Variants in RASSF3 observed in about 807,000 individuals in gnomAD.
RASSF3 encodes the protein ras association domain-containing protein 3.
RASSF3 carries 19 observed loss-of-function variants against 19.9 expected under a neutral mutation model. The ratio of observed to expected loss-of-function variants is 0.96; its 90% CI spans 0.67 to 1.40. RASSF3 has a LOEUF of 1.40. RASSF3 is among the 40% of genes most tolerant of loss of function. RASSF3 has a pLI of 0.00. For synonymous variants in RASSF3, 110 were observed against 104.2 expected (o/e 1.06, Z -0.34); for missense variants, 306 against 289.8 (o/e 1.06, Z -0.41).
At position 64,688,411 on chromosome 12, in the gene RASSF3, G is replaced by A; in HGVS notation, c.415G>A (p.Ala139Thr). The change falls in exon 3 of 5, where the codon GCC becomes ACC. Residue 139 changes from alanine to threonine, a missense_variant. By Grantham distance (58) the Ala-to-Thr change is moderately conservative (BLOSUM62 0). Transcript: ENST00000542104. ...LKKFLVTESP[A>T]KFALYKRCHR... ...AAAGTTTCTCGTGACTGAGAGCCCT[G>A]CCAAGTTTGCACTTTATAAGCGTTG... 1 of 1,614,170 alleles carries A rather than the reference G, an allele frequency of 6.2e-7. No individual in the cohort carries two copies. The highest frequency in any genetic ancestry group is 8.5e-7 in the Non-Finnish European group (1 of 1,180,000).
chr12:64,679,290 A>AC (rs1418554127), intron 1 of RASSF3, among the ~76,000 whole-genome samples: 1 of 152,080 alleles, frequency 6.6e-6, no homozygotes, highest in Non-Finnish European at 1.5e-5. Flanking sequence ...CGAACTCCTG[A>AC]CCTCGTGATC....
intron 1 of RASSF3, among the ~76,000 whole-genome samples, chr12:64,510,672 T>C (rs1327129120): frequency 6.6e-6 from 1 of 152,214 alleles, no homozygotes; most frequent in Admixed American, 6.5e-5. Context: ...CATCAAGGCA[T>C]GATTTAGGAA....
intron 1 of RASSF3, chr12:64,622,450 A>G (rs1005640719): frequency 3.8e-6 from 2 of 524,926 alleles, no homozygotes; most frequent in Admixed American, 2.0e-5. Flanking sequence ...GATAATTTAT[A>G]CTGTTTACTT....
At chr12:64,685,491 C>T (rs1873314014) in intron 2 of RASSF3, among the ~76,000 whole-genome samples, 1 of 152,134 alleles carries the variant, frequency 6.6e-6, no homozygotes, top group African/African-American at 2.4e-5. Context: ...GGGATCTGCC[C>T]AGCTTGGCCT....
At chr12:64,576,872 TTGA>T (rs1869604725) in intron 2 of RASSF3, among the ~76,000 whole-genome samples, 1 of 135,236 alleles carries the variant, frequency 7.4e-6, no homozygotes, top group African/African-American at 2.8e-5. Flanking sequence ...AAAAAAAAAC[TTGA>T]TGATGAAGTA....
At chr12:64,524,927 T>G (rs1868553852) in intron 1 of RASSF3, among the ~76,000 whole-genome samples, 1 of 152,106 alleles carries the variant, frequency 6.6e-6, no homozygotes, top group African/African-American at 2.4e-5. Flanking sequence ...GGTCTTAGAG[T>G]TGTGAAAATA....
chr12:64,640,675 C>T (rs1177058884), intron 1 of RASSF3, among the ~76,000 whole-genome samples: 1 of 152,092 alleles, frequency 6.6e-6, no homozygotes, highest in African/African-American at 2.4e-5. Flanking sequence ...CAGGGTCTCA[C>T]TCTGTTACCC....
intron 2 of RASSF3, among the ~76,000 whole-genome samples, chr12:64,604,126 T>C (rs1870142508): frequency 6.7e-6 from 1 of 150,078 alleles, no homozygotes; most frequent in African/African-American, 2.4e-5. Flanking sequence ...GATTACAGGT[T>C]TTCTTTTTTT....
downstream of RASSF3, among the ~76,000 whole-genome samples, chr12:64,544,093 C>T (rs137951627): frequency 7.9e-4 from 120 of 152,222 alleles, no homozygotes; most frequent in African/African-American, 2.4e-3. Flanking sequence ...GGTCCCGTTC[C>T]GCACAGTTCT....
chr12:64,650,408 C>CTTTTTTTTTT (rs67304103), intron 1 of RASSF3, among the ~76,000 whole-genome samples: 15 of 85,472 alleles, frequency 1.8e-4, no homozygotes, highest in Non-Finnish European at 2.1e-4. Context: ...TTTTTTTTTC[C>CTTTTTTTTTT]TTTTTTTTTT....
At chr12:64,607,469 A>G (rs887091898), upstream of RASSF3, among the ~76,000 whole-genome samples, 3 of 152,142 alleles carry the variant, frequency 2.0e-5, no homozygotes, top group Admixed American at 2.0e-4. Context: ...TCCAGGGCTC[A>G]GGTGACTCTC....
rs73321744 is a variant in RASSF3 at position 64,652,368 on chromosome 12, T to A, written c.112-32419T>A. On this transcript the variant is annotated intron_variant, in intron 1 of 4. Coordinates refer to ENST00000542104, the MANE Select transcript of RASSF3 (RefSeq NM_178169.4). ...ATCGCAGGTGTTTGGGCTTTTTTTTTAAACACGTCTGAGGACTGCAAAGGT... is the reference window on the plus strand; with the variant it reads ...ATCGCAGGTGTTTGGGCTTTTTTTTAAAACACGTCTGAGGACTGCAAAGGT... Among the ~76,000 whole-genome samples, 1,063 of 152,214 alleles carry A rather than the reference T, an allele frequency of 7.0e-3. 15 individuals carry two copies. Among genetic ancestry groups the A allele is most frequent in the African/African-American group, 0.025 (1,020 of 41,510 alleles).
intron 1 of RASSF3, among the ~76,000 whole-genome samples, chr12:64,516,628 A>C (rs1414568574): frequency 6.6e-6 from 1 of 151,550 alleles, no homozygotes; most frequent in Non-Finnish European, 1.5e-5. Context: ...CAAAAAAAAA[A>C]AAAAAGATAC....
chr12:64,606,035 A>G (rs957567133), upstream of RASSF3, among the ~76,000 whole-genome samples: 9 of 152,230 alleles, frequency 5.9e-5, no homozygotes, highest in African/African-American at 2.2e-4. Flanking sequence ...TTTTGTCCAC[A>G]ATATGGCTAC....
rs1872691671 is a variant in RASSF3 at position 64,671,203 on chromosome 12, A to C, written c.112-13584A>C. Among the ~76,000 whole-genome samples the C allele has an allele frequency of 2.0e-5, 3 of 152,108 alleles. No individual in the cohort carries two copies. The South Asian group carries it at 6.2e-4, about 32-fold the overall frequency. On this transcript the variant is annotated intron_variant, in intron 1 of 4. Transcript: ENST00000542104. ...ACCAGGAAAGAAAGGGAGGCAGGATAGGGGAGGTGTTTTTGAGAAAAACCT... is the reference window on the plus strand; with the variant it reads ...ACCAGGAAAGAAAGGGAGGCAGGATCGGGGAGGTGTTTTTGAGAAAAACCT...
At chr12:64,575,130 G>A (rs1414622062) in intron 2 of RASSF3, among the ~76,000 whole-genome samples, 1 of 152,178 alleles carries the variant, frequency 6.6e-6, no homozygotes, top group Non-Finnish European at 1.5e-5. Context: ...TATGTACATA[G>A]CAAATCCTAA....
intron 1 of RASSF3, among the ~76,000 whole-genome samples, chr12:64,525,266 C>G (rs1169417733): frequency 1.3e-5 from 2 of 151,980 alleles, no homozygotes; most frequent in African/African-American, 4.8e-5. Context: ...TAGAGTGAGA[C>G]TCCGTGTCAA....
chr12:64,531,583 T>A (rs1868709893), upstream of RASSF3, among the ~76,000 whole-genome samples: 1 of 152,264 alleles, frequency 6.6e-6, no homozygotes, highest in Non-Finnish European at 1.5e-5. Flanking sequence ...TTTAAAAATC[T>A]TGGGAACTTT....
rs1870319185 is a variant in RASSF3 at position 64,610,715 on chromosome 12, C to T, written c.83C>T (p.Pro28Leu). 6.3e-7 allele frequency: 1 copy of T among 1,592,826 alleles called. No homozygotes were observed. The highest frequency in any genetic ancestry group is 1.1e-5 in the South Asian group (1 of 89,058). ...AGGACCTCCTTCTTCAGGAGAGCGC[C>T]CCAGGGCAAGCCCCGCTCCGGCCAA... The part of the protein sequence containing the change: ...TARTSFFRRA[P>L]QGKPRSGQQD... Residue 28 changes from proline (P) to leucine (L), a missense_variant, in exon 1 of 5, where the codon CCC (proline) becomes CTC (leucine). Coordinates refer to ENST00000542104, the MANE Select transcript of RASSF3 (RefSeq NM_178169.4).
Sources: gnomAD v4.1 joint callset for allele counts (sites outside exome capture counted in the v4.1 genomes callset) on GRCh38, gnomAD v4.1.1 for gene constraint, MANE v1.5 for transcripts, NCBI Gene and HGNC (gene_info 2026-07-23, HGNC 2026-07-21) for gene names.